The following TRIP12 variants were observed in gnomAD, a reference collection of about 807,000 sequenced individuals.
TRIP12 encodes thyroid hormone receptor interactor 12.
TRIP12 carries 25 observed loss-of-function variants against 244.2 expected under a neutral mutation model. The observed-to-expected ratio is 0.10, with a 90% CI of 0.07 to 0.14. The LOEUF (loss-of-function observed/expected upper bound fraction) is 0.14, where lower values mean the gene tolerates loss of function less well. Among genes scored for constraint, TRIP12 ranks in the 10% least tolerant of loss-of-function variants. The pLI is 1.00. For missense variants in TRIP12, 1,677 were observed against 2,486.4 expected (o/e 0.67, Z 6.92); for synonymous variants, 905 against 873.1 (o/e 1.04, Z -0.64).
At chr2:229,804,577 T>C (rs1417752195) in intron 18 of TRIP12, among the ~76,000 whole-genome samples, 1 of 152,128 alleles carries the variant, frequency 6.6e-6, no homozygotes, top group Non-Finnish European at 1.5e-5. Flanking sequence ...GAAACTGAGT[T>C]CTAGAAATGC....
chr2:229,863,670 T>C (rs1406065014), intron 2 of TRIP12, among the ~76,000 whole-genome samples: 1 of 152,176 alleles, frequency 6.6e-6, no homozygotes, highest in African/African-American at 2.4e-5. Flanking sequence ...TTATGTCCAC[T>C]TATAAATTAT....
At chr2:229,879,910 C>A (rs940214469) in intron 2 of TRIP12, 72 bp downstream of exon 2, 26 of 1,541,462 alleles carry the variant, frequency 1.7e-5, no homozygotes, top group Middle Eastern at 4.2e-4. Flanking sequence ...AAGTTTTGGA[C>A]CTCGCAAGGA....
At chr2:229,905,280 A>G (rs566810696) in intron 1 of TRIP12, among the ~76,000 whole-genome samples, 2 of 152,262 alleles carry the variant, frequency 1.3e-5, no homozygotes, top group South Asian at 2.1e-4. Context: ...GTCTCAAAAA[A>G]AAAAAAAAAA....
rs1398130297 is a variant in TRIP12, at chr2:229,818,360, T to C, written c.1599+4A>G. On this transcript the variant is annotated splice_donor_region_variant and intron_variant, in intron 9 of 41. Coordinates refer to ENST00000675903, the MANE Select transcript of TRIP12 (RefSeq NM_001348323.3). ...TAAAAACGAGGGAAAAACATTATGC[T>C]TACCAAAGCTGGAACAACACTCTTG... 1 of 1,613,176 alleles carries C rather than the reference T, an allele frequency of 6.2e-7. No individual in the cohort carries two copies. The highest frequency in any genetic ancestry group is 1.3e-5 in the African/African-American group (1 of 74,880).
At chr2:229,876,665 T>C (rs1223841852) in intron 2 of TRIP12, among the ~76,000 whole-genome samples, 1 of 152,200 alleles carries the variant, frequency 6.6e-6, no homozygotes, top group African/African-American at 2.4e-5. Flanking sequence ...TGTTTATTAC[T>C]TATTTATTTT....
intron 6 of TRIP12, among the ~76,000 whole-genome samples, chr2:229,835,054 C>A (rs2054450188): frequency 6.6e-6 from 1 of 152,190 alleles, no homozygotes; most frequent in African/African-American, 2.4e-5. Flanking sequence ...TTTACACATG[C>A]AGAAACTAAA....
chr2:229,806,554 T>C (rs917890783), intron 17 of TRIP12, among the ~76,000 whole-genome samples: 3 of 152,106 alleles, frequency 2.0e-5, no homozygotes, highest in African/African-American at 7.2e-5. Flanking sequence ...TCAGCACATA[T>C]GAGAGAGTAA....
chr2:229,802,031 T>C (rs994779675), intron 21 of TRIP12, among the ~76,000 whole-genome samples: 6 of 152,200 alleles, frequency 3.9e-5, no homozygotes, highest in Admixed American at 6.5e-5. Flanking sequence ...TTTCCTTGTA[T>C]GTCAGTGGGA....
intron 4 of TRIP12, among the ~76,000 whole-genome samples, chr2:229,857,749 A>G (rs2059837062): frequency 6.6e-6 from 1 of 152,206 alleles, no homozygotes; most frequent in African/African-American, 2.4e-5. Context: ...GAGTTCCTGG[A>G]TATCTCCAAA....
At chr2:229,842,764 T>TA (rs1177528478) in intron 4 of TRIP12, among the ~76,000 whole-genome samples, 1 of 152,178 alleles carries the variant, frequency 6.6e-6, no homozygotes, top group Non-Finnish European at 1.5e-5. Context: ...TTATTCAAAT[T>TA]AATGTACTGT....
intron 7 of TRIP12, 142 bp from the exon 8 acceptor site, chr2:229,829,430 C>T: frequency 1.6e-6 from 1 of 627,140 alleles, no homozygotes; most frequent in Admixed American, 3.3e-5. Context: ...AGAGAAGCTA[C>T]AAACTTTCAA....
At chr2:229,814,997 TA>T in intron 11 of TRIP12, 101 bp downstream of exon 11, 5 of 889,622 alleles carry the variant, frequency 5.6e-6, no homozygotes, top group Non-Finnish European at 8.7e-6. Context: ...TTTCTCGGGC[TA>T]AAAAATATAC....
Position 229,774,229 on chromosome 2 carries a change from G to T in TRIP12, c.5562C>A (p.Thr1854=). 1 of 1,614,060 alleles carries T rather than the reference G, an allele frequency of 6.2e-7. No individual in the cohort carries two copies. Among genetic ancestry groups the T allele is most frequent in the Non-Finnish European group, 8.5e-7 (1 of 1,180,004 alleles). Residue 1854 remains threonine (T), a synonymous_variant, in exon 38 of 42, where the codon ACC becomes ACA. Coordinates refer to ENST00000675903, the MANE Select transcript of TRIP12 (RefSeq NM_001348323.3). ...TKESLQYALE[T]LTMNGCSVED... ...CAACTGAGCAGCCATTCATAGTCAA[G>T]GTTTCTAATGCATACTGTAGACTCT... is the stretch of plus-strand genomic sequence containing the variant.
chr2:229,886,485 C>T (rs1191940894), intron 1 of TRIP12, among the ~76,000 whole-genome samples: 5 of 148,748 alleles, frequency 3.4e-5, no homozygotes, highest in East Asian at 3.9e-4. Context: ...TTTTTTGAGA[C>T]GGGATCTCAC....
intron 4 of TRIP12, among the ~76,000 whole-genome samples, chr2:229,844,593 A>G (rs879368493): frequency 6.6e-6 from 1 of 152,230 alleles, no homozygotes; most frequent in Non-Finnish European, 1.5e-5. Context: ...GTATTCTAGC[A>G]ATGAAATAAG....
intron 4 of TRIP12, among the ~76,000 whole-genome samples, chr2:229,850,017 T>C (rs1184327612): frequency 6.6e-6 from 1 of 152,288 alleles, no homozygotes; most frequent in Non-Finnish European, 1.5e-5. Flanking sequence ...TTTGGTACTT[T>C]CTGGATTACT....
At position 229,811,048 on chromosome 2, in the gene TRIP12, T is replaced by A. The variant is rs201297080; in HGVS notation, c.2056-3A>T. 6 of 1,613,808 alleles carry A rather than the reference T, an allele frequency of 3.7e-6. No individual in the cohort carries two copies. The highest frequency in any genetic ancestry group is 4.2e-6 in the Non-Finnish European group (5 of 1,179,920). ...GAAGCAACCTGCTGGAGTAAATTCT[T>A]CACAAACACAAGAATAAAGGAATTA... On this transcript the variant is annotated splice_polypyrimidine_tract_variant and splice_region_variant and intron_variant, in intron 14 of 41. Transcript: ENST00000675903.
In TRIP12 at chr2:229,774,205, A is replaced by G; in HGVS notation, c.5586T>C (p.Val1862=). ...LETLTMNGCS[V]EDLGLDFTLP... The stretch of plus-strand genomic sequence containing the variant: ...GAGTGAAATCCAGTCCTAGATCTTC[A>G]ACTGAGCAGCCATTCATAGTCAAGG... The change falls in exon 38 of 42, where the codon GTT becomes GTC. Residue 1862 remains valine (V), a synonymous_variant. Transcript: ENST00000675903. 1 of 1,614,220 alleles carries G rather than the reference A, an allele frequency of 6.2e-7. No homozygotes were observed. The highest frequency in any genetic ancestry group is 1.1e-5 in the South Asian group (1 of 91,086).
chr2:229,922,522 G>A, upstream of TRIP12: 2 of 1,613,826 alleles, frequency 1.2e-6, no homozygotes, highest in Non-Finnish European at 1.7e-6. Context: ...AGATGGCGTC[G>A]TGGCTGCCGG....
Sources: gnomAD v4.1 joint callset for allele counts (sites outside exome capture counted in the v4.1 genomes callset) on GRCh38, gnomAD v4.1.1 for gene constraint, MANE v1.5 for transcripts, NCBI Gene and HGNC (gene_info 2026-07-23, HGNC 2026-07-21) for gene names.